The following NRXN1 variants were observed in gnomAD, a reference collection of about 807,000 sequenced individuals.
NRXN1 encodes the protein neurexin-1.
In NRXN1, 39 loss-of-function variants were observed where a neutral mutation model predicts 150.9. The observed-to-expected ratio is 0.26, with a 90% CI of 0.20 to 0.34. The LOEUF is 0.34. Ranked by LOEUF, NRXN1 falls within the 10% of genes least tolerant of loss-of-function variation. The pLI is 1.00. For missense variants in NRXN1, 1,815 were observed against 1,949.9 expected, an observed-to-expected ratio of 0.93 and a Z score of 1.30; for synonymous variants, 924 against 757.0, an observed-to-expected ratio of 1.22 and a Z score of -3.62.
At chr2:50,848,647 T>G (rs977415494) in intron 5 of NRXN1, among the ~76,000 whole-genome samples, 1 of 152,116 alleles carries the variant, frequency 6.6e-6, no homozygotes, top group Non-Finnish European at 1.5e-5. Context: ...CTGGAAAACT[T>G]TGTATAATTT....
chr2:50,684,945 C>A (rs1690993636), intron 5 of NRXN1, among the ~76,000 whole-genome samples: 1 of 152,032 alleles, frequency 6.6e-6, no homozygotes, highest in African/African-American at 2.4e-5. Context: ...GAACATGAAC[C>A]AGAGAATTTG....
chr2:50,142,733 T>C (rs529690750), intron 18 of NRXN1, among the ~76,000 whole-genome samples: 40 of 152,032 alleles, frequency 2.6e-4, no homozygotes, highest in African/African-American at 8.7e-4. Flanking sequence ...ATTTTAGTTA[T>C]ATAAGCATTT....
intron 17 of NRXN1, among the ~76,000 whole-genome samples, chr2:50,338,584 G>T (rs2077341280): frequency 1.3e-5 from 2 of 151,370 alleles, no homozygotes; most frequent in Non-Finnish European, 2.9e-5. Flanking sequence ...TAGATGCATA[G>T]ATAGGAACTA....
intron 17 of NRXN1, among the ~76,000 whole-genome samples, chr2:50,341,195 G>C (rs1486925563): frequency 6.6e-6 from 1 of 152,042 alleles, no homozygotes; most frequent in Non-Finnish European, 1.5e-5. Flanking sequence ...AAATTATTTA[G>C]ATCTCTGTTG....
At chr2:50,376,042 T>TACAC (rs1221953740) in intron 17 of NRXN1, among the ~76,000 whole-genome samples, 43 of 143,500 alleles carry the variant, frequency 3.0e-4, no homozygotes, top group African/African-American at 1.2e-3. Flanking sequence ...AATACATATA[T>TACAC]ATATACACAC....
chr2:50,648,539 G>A (rs1477137916), intron 5 of NRXN1, among the ~76,000 whole-genome samples: 1 of 151,968 alleles, frequency 6.6e-6, no homozygotes, highest in African/African-American at 2.4e-5. Context: ...GAGACTACAA[G>A]ACAGAAGTGG....
intron 20 of NRXN1, among the ~76,000 whole-genome samples, chr2:50,053,835 GTA>G (rs1693175761): frequency 6.6e-6 from 1 of 151,466 alleles, no homozygotes; most frequent in South Asian, 2.1e-4. Flanking sequence ...TCAAAGATAT[GTA>G]TTACAAATCA....
At chr2:50,268,825 C>T (rs1216619748) in intron 17 of NRXN1, among the ~76,000 whole-genome samples, 1 of 152,156 alleles carries the variant, frequency 6.6e-6, no homozygotes, top group Non-Finnish European at 1.5e-5. Context: ...AGCTTCTAGC[C>T]AATTACTTGA....
chr2:50,181,941 T>G (rs916012753), intron 18 of NRXN1, among the ~76,000 whole-genome samples: 1 of 151,968 alleles, frequency 6.6e-6, no homozygotes, highest in South Asian at 2.1e-4. Context: ...TTTTAAAAAG[T>G]TCCTTAACAC....
chr2:50,253,705 G>A (rs1242044154), intron 17 of NRXN1, among the ~76,000 whole-genome samples: 1 of 152,122 alleles, frequency 6.6e-6, no homozygotes, highest in Non-Finnish European at 1.5e-5. Context: ...TTTATGTGAT[G>A]AATTACATTT....
intron 21 of NRXN1, among the ~76,000 whole-genome samples, chr2:49,991,184 T>G (rs1681883064): frequency 1.3e-5 from 2 of 152,072 alleles, no homozygotes; most frequent in African/African-American, 4.8e-5. Context: ...GACAAGGATA[T>G]CTCCCTTTCA....
intron 5 of NRXN1, among the ~76,000 whole-genome samples, chr2:50,800,478 C>T (rs1215874841): frequency 6.6e-6 from 1 of 152,108 alleles, no homozygotes; most frequent in African/African-American, 2.4e-5. Context: ...CAGATGTAGG[C>T]CAAGTCAATG....
intron 8 of NRXN1, among the ~76,000 whole-genome samples, chr2:50,569,766 G>T (rs1476691170): frequency 6.6e-6 from 1 of 152,078 alleles, no homozygotes; most frequent in Non-Finnish European, 1.5e-5. Context: ...CAGACCCCTG[G>T]CCCTGTCATT....
At chr2:50,237,341 C>G (rs527565592) in intron 17 of NRXN1, among the ~76,000 whole-genome samples, 3 of 152,096 alleles carry the variant, frequency 2.0e-5, no homozygotes, top group Non-Finnish European at 2.9e-5. Context: ...GCAACAGCAG[C>G]ACACATCAAC....
chr2:50,366,479 C>A (rs954272391), intron 17 of NRXN1, among the ~76,000 whole-genome samples: 2 of 151,712 alleles, frequency 1.3e-5, no homozygotes, highest in Non-Finnish European at 2.9e-5. Flanking sequence ...ATCCATTCTG[C>A]CTTCTTCCTG....
intron 5 of NRXN1, among the ~76,000 whole-genome samples, chr2:50,649,035 G>C (rs190489557): frequency 9.9e-5 from 15 of 151,860 alleles, no homozygotes; most frequent in African/African-American, 3.6e-4. Flanking sequence ...CTCTGAGCTG[G>C]ATTAGGTTTT....
At chr2:50,035,236 G>A (rs540639564) in intron 21 of NRXN1, among the ~76,000 whole-genome samples, 32 of 152,070 alleles carry the variant, frequency 2.1e-4, no homozygotes, top group African/African-American at 6.3e-4. Flanking sequence ...TTACATTTTC[G>A]TATCAGCATT....
chr2:50,389,929 C>T (rs1030284579), intron 17 of NRXN1, among the ~76,000 whole-genome samples: 14 of 152,174 alleles, frequency 9.2e-5, no homozygotes, highest in South Asian at 2.1e-4. Context: ...AATTTCTTTT[C>T]GTGAAAAGGT....
At chr2:50,046,275 ACCTGC>A (rs1691794739) in intron 21 of NRXN1, among the ~76,000 whole-genome samples, 1 of 152,162 alleles carries the variant, frequency 6.6e-6, no homozygotes, top group Non-Finnish European at 1.5e-5. Context: ...TTGTGTTATT[ACCTGC>A]CCTCCACTGC....
Sources: allele counts gnomAD v4.1 joint callset (sites outside exome capture counted in the v4.1 genomes callset), GRCh38; gene constraint gnomAD v4.1.1; transcripts MANE v1.5; gene names NCBI Gene and HGNC (gene_info 2026-07-23, HGNC 2026-07-21).